NCEH1: variants seen among roughly 807,000 people sequenced by gnomAD.
NCEH1 encodes 2-acetyl MAGE hydrolase.
In NCEH1, 9 loss-of-function variants were observed where a neutral mutation model predicts 25.4. That is an observed-to-expected ratio of 0.35 (90% confidence interval 0.21 to 0.62). The LOEUF is 0.62. NCEH1 is among the 20% of genes least tolerant of loss of function. NCEH1 has a pLI of 0.72. For synonymous variants in NCEH1, 200 were observed against 199.8 expected (o/e 1.00, Z -0.01); for missense variants, 412 against 501.1 (o/e 0.82, Z 1.70).
chr3:172,635,594 C>T (rs1362939176), intron 4 of NCEH1, among the ~76,000 whole-genome samples: 2 of 152,076 alleles, frequency 1.3e-5, no homozygotes, highest in African/African-American at 4.8e-5. Flanking sequence ...CTCCGATTTG[C>T]AAGTCAAACA....
At chr3:172,639,431 A>AAT (rs1295162529) in intron 3 of NCEH1, among the ~76,000 whole-genome samples, 19 of 152,240 alleles carry the variant, frequency 1.2e-4, no homozygotes, top group African/African-American at 4.3e-4. Flanking sequence ...AAAATTTTGT[A>AAT]ATATCTAGAC....
At chr3:172,702,145 C>G (rs575568404) in intron 1 of NCEH1, among the ~76,000 whole-genome samples, 1 of 152,182 alleles carries the variant, frequency 6.6e-6, no homozygotes, top group Non-Finnish European at 1.5e-5. Context: ...GGCTCCACCT[C>G]GTATAAACGG....
At chr3:172,675,218 G>C (rs892147829) in intron 1 of NCEH1, among the ~76,000 whole-genome samples, 1 of 152,008 alleles carries the variant, frequency 6.6e-6, no homozygotes, top group Non-Finnish European at 1.5e-5. Context: ...CAGAAGAATT[G>C]CTTGAACGTG....
chr3:172,694,130 G>C (rs1309497779), intron 1 of NCEH1, among the ~76,000 whole-genome samples: 1 of 152,070 alleles, frequency 6.6e-6, no homozygotes, highest in Non-Finnish European at 1.5e-5. Flanking sequence ...CTGGGCTCAA[G>C]CAAACTTCCT....
At chr3:172,694,373 T>TATAC (rs1713238987) in intron 1 of NCEH1, among the ~76,000 whole-genome samples, 2 of 148,832 alleles carry the variant, frequency 1.3e-5, no homozygotes, top group Admixed American at 6.6e-5. Flanking sequence ...GAAAGAGTTA[T>TATAC]ATATATGTGT....
chr3:172,661,174 T>C (rs1266737154), intron 1 of NCEH1, among the ~76,000 whole-genome samples: 1 of 152,234 alleles, frequency 6.6e-6, no homozygotes, highest in Non-Finnish European at 1.5e-5. Flanking sequence ...AGGGATCCAG[T>C]TTCAGCTTTC....
rs760453997 is a variant in NCEH1 at position 172,710,997 on chromosome 3, C to T, written c.-13G>A. 44 of 1,613,746 alleles carry T rather than the reference C, an allele frequency of 2.7e-5. 1 individual carries two copies. Among genetic ancestry groups the T allele is most frequent in the South Asian group, 7.7e-5 (7 of 91,082 alleles). On this transcript the variant is annotated 5_prime_UTR_variant, in exon 1 of 5. Transcript: ENST00000475381. ...AGGACGACCTCATCTTGCCCTGGCT[C>T]GGCTCGCCAGCGGGCTGGCAAAGAG...
chr3:172,710,097 C>T (rs1390136649), intron 1 of NCEH1, among the ~76,000 whole-genome samples: 1 of 152,210 alleles, frequency 6.6e-6, no homozygotes, highest in African/African-American at 2.4e-5. Flanking sequence ...ATGTTACCCT[C>T]CCAGGTTAAG....
intron 1 of NCEH1, among the ~76,000 whole-genome samples, chr3:172,699,202 G>A (rs1367593831): frequency 6.6e-6 from 1 of 152,110 alleles, no homozygotes; most frequent in Non-Finnish European, 1.5e-5. Context: ...CGATGCGTGG[G>A]ATATTGCCCA....
intron 3 of NCEH1, among the ~76,000 whole-genome samples, chr3:172,643,555 C>T (rs1716967152): frequency 6.6e-6 from 1 of 152,166 alleles, no homozygotes. Context: ...GCAGTCCCTT[C>T]TAAATTTTAG....
chr3:172,675,319 A>AATT (rs1553835588), intron 1 of NCEH1, among the ~76,000 whole-genome samples: 4,365 of 141,872 alleles, frequency 0.031, 83 homozygotes, highest in African/African-American at 0.053. Flanking sequence ...ATAAATAAAT[A>AATT]AATAAATAAA....
At chr3:172,642,366 G>A (rs951981538) in intron 3 of NCEH1, among the ~76,000 whole-genome samples, 5 of 151,920 alleles carry the variant, frequency 3.3e-5, no homozygotes, top group African/African-American at 1.2e-4. Context: ...TTGTAAGACA[G>A]GGTTTTGCCA....
chr3:172,642,929 CTTTG>C lies in NCEH1; in HGVS notation c.437+2690_437+2693del, dbSNP rs144880215. ...AGGAGTTCACATTCTTTTGTTTTTG[CTTTG>C]TTTGTTTGTTTGTTTGTTTTTTGAG... On this transcript the variant is annotated intron_variant, in intron 3 of 4. Coordinates refer to ENST00000475381, the MANE Select transcript of NCEH1 (RefSeq NM_020792.6). 2.9e-3 allele frequency among the ~76,000 whole-genome samples: 439 copies of C among 151,954 alleles called. 5 individuals carry two copies. The highest frequency in any genetic ancestry group is 8.2e-3 in the African/African-American group (340 of 41,464).
At chr3:172,673,137 C>A (rs1433074631) in intron 1 of NCEH1, among the ~76,000 whole-genome samples, 4 of 152,226 alleles carry the variant, frequency 2.6e-5, no homozygotes, top group African/African-American at 9.6e-5. Context: ...TATAGCGCAA[C>A]TATAAGGGGC....
chr3:172,640,304 T>G (rs1437477269), intron 3 of NCEH1, among the ~76,000 whole-genome samples: 3 of 152,176 alleles, frequency 2.0e-5, no homozygotes, highest in Non-Finnish European at 1.5e-5. Context: ...GAGTTAATAT[T>G]CCCCACTGTC....
chr3:172,692,832 C>T (rs1260111779), intron 1 of NCEH1, among the ~76,000 whole-genome samples: 2 of 152,214 alleles, frequency 1.3e-5, no homozygotes, highest in Non-Finnish European at 2.9e-5. Context: ...ACCCATGGTT[C>T]AGTCATGTAA....
chr3:172,688,381 C>G (rs1712824810), intron 1 of NCEH1, among the ~76,000 whole-genome samples: 1 of 148,912 alleles, frequency 6.7e-6, no homozygotes, highest in African/African-American at 2.5e-5. Context: ...TACGGAGACT[C>G]TAAAGGAATT....
intron 1 of NCEH1, among the ~76,000 whole-genome samples, chr3:172,690,048 C>T (rs867188629): frequency 9.9e-5 from 15 of 151,714 alleles, no homozygotes; most frequent in Middle Eastern, 3.4e-3. Context: ...GGACTACAGG[C>T]GCCCGCCACC....
intron 1 of NCEH1, among the ~76,000 whole-genome samples, chr3:172,654,364 C>G (rs1717595249): frequency 6.6e-6 from 1 of 152,176 alleles, no homozygotes; most frequent in Non-Finnish European, 1.5e-5. Context: ...TAGAACAGTG[C>G]CTGTCACATA....
Sources: allele counts gnomAD v4.1 joint callset (sites outside exome capture counted in the v4.1 genomes callset), GRCh38; gene constraint gnomAD v4.1.1; transcripts MANE v1.5; gene names NCBI Gene and HGNC (gene_info 2026-07-23, HGNC 2026-07-21).